Variants in MAP3K1 observed in about 807,000 individuals in gnomAD.
MAP3K1 encodes the protein MAP/ERK kinase kinase 1.
Under a neutral mutation model 144.2 loss-of-function variants are expected in MAP3K1, and 36 were observed. The ratio of observed to expected loss-of-function variants is 0.25; its 90% CI spans 0.19 to 0.33. The LOEUF (loss-of-function observed/expected upper bound fraction) is 0.33, where lower values mean the gene tolerates loss of function less well. MAP3K1 is among the 10% of genes least tolerant of loss of function. The pLI is 1.00. For missense variants in MAP3K1, 1,650 were observed against 1,881.9 expected (o/e 0.88, Z 2.28); for synonymous variants, 718 against 688.7 (o/e 1.04, Z -0.67).
At chr5:56,861,883 G>GAGGA (rs1198301899) in intron 3 of MAP3K1, among the ~76,000 whole-genome samples, 1 of 152,136 alleles carries the variant, frequency 6.6e-6, no homozygotes, top group African/African-American at 2.4e-5. Flanking sequence ...GTGACCACAA[G>GAGGA]AGGAGTTTGG....
In MAP3K1 at chr5:56,851,887, A is replaced by G. The variant is rs531000157; in HGVS notation, c.483-4713A>G. 5 of 152,448 alleles carry G rather than the reference A, an allele frequency of 3.3e-5. No individual in the cohort carries two copies. In the East Asian group the frequency reaches 7.7e-4, roughly 24 times the overall value. 9.4% of individuals were successfully genotyped at this position (152,448 alleles called of 1,614,324 possible). A position where few individuals can be genotyped will look rare whatever the true frequency, so the allele number is the denominator to read the frequency against. On this transcript the variant is annotated intron_variant, in intron 1 of 19. Transcript: ENST00000399503. ...GGTCACTGGGCAGTGTGATAGAACA[A>G]TGAATAAGAGGGAACTTGTCCTGGA...
Position 56,824,976 on chromosome 5 carries a change from A to G in MAP3K1, c.482+8921A>G, listed in dbSNP as rs190276092. On this transcript the variant is annotated intron_variant, in intron 1 of 19. Transcript: ENST00000399503. ...TTTTTTTTGAGACGGAGTCTTAAAGATATTTTTCTTGCTCCAAGGGTCTAG... is the reference window on the plus strand; with the variant it reads ...TTTTTTTTGAGACGGAGTCTTAAAGGTATTTTTCTTGCTCCAAGGGTCTAG... Among the ~76,000 whole-genome samples the G allele has an allele frequency of 2.9e-3, 444 of 151,800 alleles. 2 individuals are homozygous for G. The highest frequency in any genetic ancestry group is 0.024 in the Middle Eastern group (7 of 294).
At chr5:56,840,408 A>G (rs166170) in intron 1 of MAP3K1, among the ~76,000 whole-genome samples, 77,225 of 152,140 alleles carry the variant, frequency 0.51, 21,703 homozygotes, top group Non-Finnish European at 0.65. Context: ...TCGGCCTCCT[A>G]AAGTGCTGGG....
Position 56,875,229 on chromosome 5 carries a change from A to C in MAP3K1, c.1884A>C (p.Ser628=). The C allele has an allele frequency of 3.7e-6, 6 of 1,613,782 alleles. No homozygotes were observed. Among genetic ancestry groups the C allele is most frequent in the Non-Finnish European group, 5.1e-6 (6 of 1,179,688 alleles). ...ATSGSSQTSI[S]GDVVEACCSV... is the part of the protein sequence containing the mutation. ...GTGGGTCTTCCCAGACCAGTATCTC[A>C]GGAGATGTGGTGGAGGCATGCTGCA... Residue 628 remains serine (S), a synonymous_variant, in exon 10 of 20, where the codon TCA becomes TCC. Coordinates refer to ENST00000399503, the MANE Select transcript of MAP3K1 (RefSeq NM_005921.2).
At position 56,880,750 on chromosome 5, in the gene MAP3K1, G is replaced by A. The variant is rs768517696; in HGVS notation, c.2127G>A (p.Leu709=). 3.1e-6 allele frequency: 5 copies of A among 1,613,732 alleles called. No individual in the cohort carries two copies. Among genetic ancestry groups the A allele is most frequent in the Non-Finnish European group, 4.2e-6 (5 of 1,179,784 alleles). Reference sequence around the variant, plus strand: ...TGTCCATATCAACACTGTTGGAACTGTGCAAAGGCCAAGCAGGAGAGTTGG... The same window carrying A: ...TGTCCATATCAACACTGTTGGAACTATGCAAAGGCCAAGCAGGAGAGTTGG... The part of the protein sequence containing the change: ...SQLSISTLLE[L]CKGQAGELAV... The change falls in exon 12 of 20, where the codon CTG becomes CTA. Residue 709 remains leucine, a synonymous_variant. Transcript: ENST00000399503.
chr5:56,830,838 TCA>T (rs1354217769), intron 1 of MAP3K1, among the ~76,000 whole-genome samples: 3 of 152,086 alleles, frequency 2.0e-5, no homozygotes, highest in African/African-American at 7.2e-5. Context: ...TAAAAATCTG[TCA>T]CAAAATTTTG....
chr5:56,824,586 C>T (rs2432195), intron 1 of MAP3K1, among the ~76,000 whole-genome samples: 113,872 of 152,056 alleles, frequency 0.75, 43,226 homozygotes, highest in Non-Finnish European at 0.82. Flanking sequence ...CCATCTAGGG[C>T]AGCCTCTGCC....
intron 1 of MAP3K1, among the ~76,000 whole-genome samples, chr5:56,830,993 G>T (rs183407219): frequency 6.6e-6 from 1 of 151,754 alleles, no homozygotes; most frequent in East Asian, 1.9e-4. Flanking sequence ...TGTTTTGTAA[G>T]AAGTTTCTGC....
At chr5:56,842,308 C>G (rs1746838472) in intron 1 of MAP3K1, 1 of 152,156 alleles carries the variant, frequency 6.6e-6, no homozygotes. Flanking sequence ...TGGAGGAGGA[C>G]AGGACTTTAA....
intron 1 of MAP3K1, among the ~76,000 whole-genome samples, chr5:56,832,122 T>A (rs1193672315): frequency 2.6e-5 from 4 of 152,194 alleles, no homozygotes; most frequent in Non-Finnish European, 5.9e-5. Context: ...ACCTCATCTA[T>A]GAATTAGAAA....
intron 1 of MAP3K1, among the ~76,000 whole-genome samples, chr5:56,821,624 T>A (rs1354017240): frequency 1.3e-5 from 2 of 152,056 alleles, no homozygotes; most frequent in East Asian, 1.9e-4. Context: ...ATCGAACTCC[T>A]GGGCTCAGGT....
Position 56,893,801 on chromosome 5 carries a change from G to T in MAP3K1, c.*121G>T, listed in dbSNP as rs779960327. Reference sequence around the variant, plus strand: ...CACTGAACAGCTATGAACGAGGCCAGTGGGGAACCCTTACCTAAGTATGTG... The same window carrying T: ...CACTGAACAGCTATGAACGAGGCCATTGGGGAACCCTTACCTAAGTATGTG... On this transcript the variant is annotated 3_prime_UTR_variant, in exon 20 of 20. Coordinates refer to ENST00000399503, the MANE Select transcript of MAP3K1 (RefSeq NM_005921.2). 1 of 1,071,078 alleles carries T rather than the reference G, an allele frequency of 9.3e-7. No individual in the cohort carries two copies. The highest frequency in any genetic ancestry group is 1.3e-5 in the South Asian group (1 of 74,768). The allele number at this position is 1,071,078 out of a possible 1,614,324, so 66.3% of individuals were successfully genotyped here. A position where few individuals can be genotyped will look rare whatever the true frequency, so the allele number is the denominator to read the frequency against.
intron 1 of MAP3K1, among the ~76,000 whole-genome samples, chr5:56,837,736 G>T (rs1393204954): frequency 1.3e-5 from 2 of 152,218 alleles, no homozygotes; most frequent in Non-Finnish European, 2.9e-5. Flanking sequence ...CAGGCTTTCT[G>T]CTGGGGCAGG....
rs576538391 is a variant in MAP3K1, at chr5:56,865,275, T to C, written c.1036-65T>C. On this transcript the variant is annotated intron_variant, in intron 4 of 19. Transcript: ENST00000399503. ...AAAGTTGGAAATATTGTAAAAGTGA[T>C]AAATTTAGAAGTTCTTGTGAACCAC... 4 of 933,402 alleles carry C rather than the reference T, an allele frequency of 4.3e-6. No homozygotes were observed. The South Asian group carries it at 5.6e-5, about 13-fold the overall frequency. 57.8% of individuals were successfully genotyped at this position (933,402 alleles called of 1,614,324 possible). A position where few individuals can be genotyped will look rare whatever the true frequency, so the allele number is the denominator to read the frequency against.
chr5:56,848,447 A>G (rs1285134873), intron 1 of MAP3K1, among the ~76,000 whole-genome samples: 1 of 152,114 alleles, frequency 6.6e-6, no homozygotes, highest in Non-Finnish European at 1.5e-5. Context: ...CTGACTCTGA[A>G]TCAGGGAGTG....
intron 1 of MAP3K1, among the ~76,000 whole-genome samples, chr5:56,824,822 T>C (rs1193073753): frequency 6.6e-6 from 1 of 152,218 alleles, no homozygotes; most frequent in Non-Finnish European, 1.5e-5. Context: ...ATTATCTGTG[T>C]GGAGAAATCT....
chr5:56,879,071 C>A lies in MAP3K1; in HGVS notation c.2057C>A (p.Thr686Asn). 6.2e-7 allele frequency: 1 copy of A among 1,613,886 alleles called. No homozygotes were observed. Among genetic ancestry groups the A allele is most frequent in the South Asian group, 1.1e-5 (1 of 91,088 alleles). The change falls in exon 11 of 20, where the codon ACC becomes AAC. Residue 686 changes from threonine to asparagine, a missense_variant. Thr to Asn is a moderately conservative substitution (Grantham distance 65). Around this residue, in one of 6 missense-constraint regions of MAP3K1, gnomAD observed 841 missense variants for 886.5 expected, o/e 0.95. Coordinates refer to ENST00000399503, the MANE Select transcript of MAP3K1 (RefSeq NM_005921.2). ...LQRLLQPVVD[T>N]ILVKCADANS... ...AGACTTCTCCAGCCAGTTGTAGACA[C>A]CATCCTAGTCAAATGTGCAGATGCC... is the stretch of plus-strand genomic sequence containing the variant.
At chr5:56,825,750 A>G (rs1374020477) in intron 1 of MAP3K1, among the ~76,000 whole-genome samples, 1 of 152,120 alleles carries the variant, frequency 6.6e-6, no homozygotes, top group East Asian at 1.9e-4. Context: ...GAATCCATCC[A>G]ACTTCCTCCA....
intron 18 of MAP3K1, 194 bp downstream of exon 18, chr5:56,887,714 A>C: frequency 1.6e-6 from 1 of 627,020 alleles, no homozygotes; most frequent in Non-Finnish European, 2.8e-6. Flanking sequence ...TATTCAAAAA[A>C]CAGGTTTTAA....
Sources: gnomAD v4.1 joint callset for allele counts (sites outside exome capture counted in the v4.1 genomes callset) on GRCh38, gnomAD v4.1.1 for gene constraint, gnomAD v4.1.1 regional missense constraint, MANE v1.5 for transcripts, NCBI Gene and HGNC (gene_info 2026-07-23, HGNC 2026-07-21) for gene names.